SCP2: variants seen among roughly 807,000 people sequenced by gnomAD.
SCP2 encodes the protein sterol carrier protein 2, also known as SCP-2/3-oxoacyl-CoA thiolase.
Under a neutral mutation model 71.4 loss-of-function variants are expected in SCP2, and 48 were observed. The observed-to-expected ratio is 0.67, with a 90% CI of 0.53 to 0.86. The LOEUF (loss-of-function observed/expected upper bound fraction) is 0.86. SCP2 is among the 40% of genes least tolerant of loss of function. SCP2 has a pLI of 0.00. For missense variants in SCP2, 560 were observed against 655.6 expected, an observed-to-expected ratio of 0.85 and a Z score of 1.59; for synonymous variants, 220 against 218.1, an observed-to-expected ratio of 1.01 and a Z score of -0.08.
intron 14 of SCP2, among the ~76,000 whole-genome samples, chr1:53,045,757 G>C (rs1663764148): frequency 6.6e-6 from 1 of 152,082 alleles, no homozygotes; most frequent in Non-Finnish European, 1.5e-5. Flanking sequence ...GTATAATTCT[G>C]TGAATTTAGA....
At chr1:53,043,091 G>T (rs544204209) in intron 14 of SCP2, among the ~76,000 whole-genome samples, 1 of 152,070 alleles carries the variant, frequency 6.6e-6, no homozygotes, top group Non-Finnish European at 1.5e-5. Context: ...AAAGCTTCAG[G>T]GTCTCCTATC....
chr1:52,972,681 C>T (rs1363942108), intron 6 of SCP2, among the ~76,000 whole-genome samples: 3 of 152,180 alleles, frequency 2.0e-5, no homozygotes, highest in Non-Finnish European at 4.4e-5. Flanking sequence ...AAATCTCTCA[C>T]CCTATGGTTT....
chr1:52,999,179 A>G (rs184422932), intron 11 of SCP2, among the ~76,000 whole-genome samples: 85 of 152,348 alleles, frequency 5.6e-4, no homozygotes, highest in South Asian at 1.4e-3. Flanking sequence ...TCCTTGCTAC[A>G]TATTGAGGAT....
At position 52,992,802 on chromosome 1, in the gene SCP2, A is replaced by G. The variant is rs568327179; in HGVS notation, c.1081+4666A>G. ...CAAAAATTCACATTAAAAAAACCCT[A>G]TATTTCTATTTAGAGTAACAGTAGG... On this transcript the variant is annotated intron_variant, in intron 11 of 15. Transcript: ENST00000371514. 3.9e-5 allele frequency among the ~76,000 whole-genome samples: 6 copies of G among 151,978 alleles called. No homozygotes were observed. The East Asian group carries it at 5.8e-4, about 15-fold the overall frequency.
At chr1:53,017,930 C>T (rs1055962459) in intron 12 of SCP2, among the ~76,000 whole-genome samples, 1 of 152,214 alleles carries the variant, frequency 6.6e-6, no homozygotes, top group African/African-American at 2.4e-5. Flanking sequence ...TCTCGGCTCA[C>T]TGCAACCTCC....
intron 11 of SCP2, among the ~76,000 whole-genome samples, chr1:52,996,564 TC>T (rs1659950939): frequency 6.6e-6 from 1 of 152,192 alleles, no homozygotes; most frequent in Non-Finnish European, 1.5e-5. Context: ...AGCAGTATTT[TC>T]TCCATTTTCA....
chr1:52,997,843 C>G (rs1270076034), intron 11 of SCP2, among the ~76,000 whole-genome samples: 1 of 152,194 alleles, frequency 6.6e-6, no homozygotes, highest in Admixed American at 6.5e-5. Flanking sequence ...TTCATTACCC[C>G]CAAAAGTTCT....
At chr1:53,009,687 T>A (rs920298044) in intron 11 of SCP2, among the ~76,000 whole-genome samples, 5 of 152,130 alleles carry the variant, frequency 3.3e-5, no homozygotes, top group Non-Finnish European at 4.4e-5. Context: ...GAAGAAAACC[T>A]AGGCAATACC....
chr1:52,978,220 C>T lies in SCP2; in HGVS notation c.678C>T (p.Pro226=), dbSNP rs769407311. Residue 226 remains proline (P), a synonymous_variant, in exon 9 of 16, where the codon CCC becomes CCT. Coordinates refer to ENST00000371514, the MANE Select transcript of SCP2 (RefSeq NM_002979.5). The stretch of plus-strand genomic sequence containing the variant: ...AATTATTTTTACTTCCTCTTAGTCC[C>T]ACTTCAGATGGTGCTGCAGCAGCAA... The part of the protein sequence containing the change: ...FDFLTILQCC[P]TSDGAAAAIL... 6 of 1,613,534 alleles carry T rather than the reference C, an allele frequency of 3.7e-6. No individual in the cohort carries two copies. The highest frequency in any genetic ancestry group is 5.1e-6 in the Non-Finnish European group (6 of 1,179,914).
intron 11 of SCP2, among the ~76,000 whole-genome samples, chr1:53,010,206 G>T (rs1043327128): frequency 2.0e-5 from 3 of 152,194 alleles, no homozygotes; most frequent in African/African-American, 7.2e-5. Context: ...CAACCATTGT[G>T]GAAGACAGTG....
intron 11 of SCP2, chr1:52,993,607 A>G (rs1270668139): frequency 6.2e-7 from 1 of 1,612,134 alleles, no homozygotes. Context: ...GTCCTGCTGT[A>G]TCCAAAATAT....
rs762454467 is a variant in SCP2 at position 52,978,228 on chromosome 1, A to G, written c.686A>G (p.Asp229Gly). Residue 229 changes from aspartate to glycine, a missense_variant, in exon 9 of 16, where the codon GAT becomes GGT. By Grantham distance (94) the Asp-to-Gly change is moderately conservative (BLOSUM62 -1). Coordinates refer to ENST00000371514, the MANE Select transcript of SCP2 (RefSeq NM_002979.5). ...LTILQCCPTSDGAAAAILASE... is the reference protein window; with the variant it reads ...LTILQCCPTSGGAAAAILASE... ...TTACTTCCTCTTAGTCCCACTTCAG[A>G]TGGTGCTGCAGCAGCAATTTTGGCC... 16 of 1,613,816 alleles carry G rather than the reference A, an allele frequency of 9.9e-6. No homozygotes were observed. In the South Asian group the frequency reaches 1.5e-4, roughly 16 times the overall value.
At chr1:52,974,934 T>G in intron 7 of SCP2, 102 bp downstream of exon 7, 1 of 730,274 alleles carries the variant, frequency 1.4e-6, no homozygotes, top group East Asian at 2.5e-5. Flanking sequence ...TCAAATATTT[T>G]AACTAGAATG....
At chr1:53,025,384 A>T (rs1662049916) in intron 12 of SCP2, among the ~76,000 whole-genome samples, 1 of 152,108 alleles carries the variant, frequency 6.6e-6, no homozygotes, top group Non-Finnish European at 1.5e-5. Flanking sequence ...CACTATGCTG[A>T]TGATTTCTCC....
At chr1:52,983,203 T>C (rs143137779) in intron 10 of SCP2, among the ~76,000 whole-genome samples, 225 of 152,350 alleles carry the variant, frequency 1.5e-3, no homozygotes, top group Non-Finnish European at 2.5e-3. Flanking sequence ...GTCATGGTCA[T>C]TCAAATTGTT....
intron 11 of SCP2, among the ~76,000 whole-genome samples, chr1:53,013,988 C>A (rs1466494023): frequency 6.7e-6 from 1 of 148,160 alleles, no homozygotes; most frequent in Non-Finnish European, 1.5e-5. Context: ...CTCTGCCTCC[C>A]GGGTTCACGC....
chr1:53,000,261 A>T (rs1660229035), intron 11 of SCP2, among the ~76,000 whole-genome samples: 1 of 151,866 alleles, frequency 6.6e-6, no homozygotes, highest in African/African-American at 2.4e-5. Flanking sequence ...CCAAAAAAAA[A>T]AAAAAAAAAG....
At chr1:53,017,395 A>ATC (rs1248393486) in intron 12 of SCP2, among the ~76,000 whole-genome samples, 5 of 152,156 alleles carry the variant, frequency 3.3e-5, no homozygotes, top group African/African-American at 1.2e-4. Flanking sequence ...GCAACCACTG[A>ATC]TCTGTTTTCC....
intron 1 of SCP2, chr1:52,940,479 GGT>G (rs1654126735): frequency 6.5e-6 from 1 of 154,318 alleles, no homozygotes; most frequent in African/African-American, 2.4e-5. Context: ...GGGCATAAAG[GGT>G]CCCTTGTGAG....
Sources: allele counts gnomAD v4.1 joint callset (sites outside exome capture counted in the v4.1 genomes callset), GRCh38; gene constraint gnomAD v4.1.1; transcripts MANE v1.5; gene names NCBI Gene and HGNC (gene_info 2026-07-23, HGNC 2026-07-21).